Variants in ZNF257 observed in about 807,000 individuals in gnomAD.
ZNF257 encodes bone marrow zinc finger 4.
ZNF257 carries 12 observed loss-of-function variants against 11.9 expected under a neutral mutation model. The observed-to-expected ratio is 1.01, with a 90% CI of 0.65 to 1.63. The LOEUF (loss-of-function observed/expected upper bound fraction) is 1.63. Ranked by LOEUF, ZNF257 falls within the 40% of genes most tolerant of loss-of-function variation. The pLI is 0.00. For synonymous variants in ZNF257, 183 were observed against 222.7 expected (o/e 0.82, Z 1.59); for missense variants, 580 against 665.5 (o/e 0.87, Z 1.41).
At chr19:22,082,801 A>G (rs185722775) in intron 3 of ZNF257, among the ~76,000 whole-genome samples, 1 of 152,278 alleles carries the variant, frequency 6.6e-6, no homozygotes, top group Non-Finnish European at 1.5e-5. Flanking sequence ...ATATTTTAGA[A>G]CATGACATCT....
intron 1 of ZNF257, among the ~76,000 whole-genome samples, chr19:22,052,871 C>T (rs956518163): frequency 6.6e-6 from 1 of 152,088 alleles, no homozygotes; most frequent in Non-Finnish European, 1.5e-5. Flanking sequence ...TGGCCTGGAT[C>T]CCTCTCTCGG....
At chr19:22,085,477 G>C (rs569894914) in intron 3 of ZNF257, among the ~76,000 whole-genome samples, 4 of 152,226 alleles carry the variant, frequency 2.6e-5, no homozygotes, top group African/African-American at 9.6e-5. Flanking sequence ...CTGATGTTGA[G>C]AAGTTTTCTC....
chr19:22,059,713 A>G (rs972507381), intron 1 of ZNF257, among the ~76,000 whole-genome samples: 3 of 148,046 alleles, frequency 2.0e-5, no homozygotes, highest in African/African-American at 7.5e-5. Context: ...TTTTTATTAA[A>G]TCTTTTATTT....
In ZNF257 at chr19:22,089,067, C is replaced by A. The variant is rs1345697228; in HGVS notation, c.1317C>A (p.Ala439=). 4 of 1,609,714 alleles carry A rather than the reference C, an allele frequency of 2.5e-6. No individual in the cohort carries two copies. Among genetic ancestry groups the A allele is most frequent in the Non-Finnish European group, 3.4e-6 (4 of 1,178,630 alleles). ...KPYKCEECGK[A]FNRSSYLIRH... ...ACAAATGTGAAGAGTGTGGCAAAGCCTTTAACCGGTCTTCATACCTTATTC... is the reference window on the plus strand; with the variant it reads ...ACAAATGTGAAGAGTGTGGCAAAGCATTTAACCGGTCTTCATACCTTATTC... The change falls in exon 4 of 4, where the codon GCC becomes GCA. Residue 439 remains alanine, a synonymous_variant. Coordinates refer to ENST00000594947, the MANE Select transcript of ZNF257 (RefSeq NM_033468.4).
intron 3 of ZNF257, chr19:22,075,517 A>G (rs562852417): frequency 6.6e-6 from 1 of 152,358 alleles, no homozygotes; most frequent in Non-Finnish European, 1.5e-5. Context: ...AAAGGACAGA[A>G]CCTCTCCCAG....
chr19:22,080,370 G>C (rs528018271), intron 3 of ZNF257, among the ~76,000 whole-genome samples: 35 of 152,258 alleles, frequency 2.3e-4, no homozygotes, highest in African/African-American at 7.7e-4. Context: ...CATCCTCTTT[G>C]TAATCAAAAT....
chr19:22,088,015 C>A lies in ZNF257; in HGVS notation c.265C>A (p.Arg89=). 1 of 1,549,760 alleles carries A rather than the reference C, an allele frequency of 6.5e-7. No individual in the cohort carries two copies. Among genetic ancestry groups the A allele is most frequent in the Non-Finnish European group, 8.7e-7 (1 of 1,146,034 alleles). The change falls in exon 4 of 4, where the codon CGA becomes AGA. Residue 89 remains arginine, a synonymous_variant. Transcript: ENST00000594947. ...TATTGCTGAAGACCTTTGCCCAGAG[C>A]GAGACATAAAATATTTTTTCCAAAA... is the stretch of plus-strand genomic sequence containing the variant. ...SHIAEDLCPE[R]DIKYFFQKVI...
chr19:22,068,408 T>C (rs1412710936), intron 1 of ZNF257, among the ~76,000 whole-genome samples: 2 of 152,150 alleles, frequency 1.3e-5, no homozygotes, highest in Admixed American at 1.3e-4. Flanking sequence ...CACCCAAGAA[T>C]GCAGAGCCAG....
chr19:22,052,842 C>T (rs1489518019), intron 1 of ZNF257, among the ~76,000 whole-genome samples: 1 of 152,086 alleles, frequency 6.6e-6, no homozygotes, highest in African/African-American at 2.4e-5. Flanking sequence ...TGTCTCTTCC[C>T]TGCGCAGTGA....
At chr19:22,064,875 G>A (rs1186821682) in intron 1 of ZNF257, among the ~76,000 whole-genome samples, 2 of 152,014 alleles carry the variant, frequency 1.3e-5, no homozygotes, top group African/African-American at 4.8e-5. Context: ...CCAACATGGC[G>A]AAACCCCGTT....
intron 1 of ZNF257, among the ~76,000 whole-genome samples, chr19:22,055,358 C>T (rs1174666775): frequency 6.6e-6 from 1 of 151,898 alleles, no homozygotes; most frequent in African/African-American, 2.4e-5. Context: ...GGTGCCCACC[C>T]CAACGTTTGG....
chr19:22,059,643 CTTT>C (rs58613357), intron 1 of ZNF257, among the ~76,000 whole-genome samples: 285 of 136,880 alleles, frequency 2.1e-3, no homozygotes, highest in African/African-American at 7.1e-3. Context: ...TGTTTCTTTT[CTTT>C]TTTTTTTTTT....
intron 1 of ZNF257, among the ~76,000 whole-genome samples, chr19:22,057,040 T>A (rs1368133888): frequency 6.6e-6 from 1 of 152,210 alleles, no homozygotes; most frequent in Non-Finnish European, 1.5e-5. Flanking sequence ...TTATTTTGAT[T>A]TCTGAGTTTA....
intron 1 of ZNF257, 47 bp downstream of exon 1, chr19:22,052,682 T>A: frequency 6.2e-7 from 1 of 1,601,888 alleles, no homozygotes; most frequent in South Asian, 1.1e-5. Flanking sequence ...AGGGGGTGGT[T>A]GGAACCTGTG....
chr19:22,054,826 C>T (rs1245357733), intron 1 of ZNF257, among the ~76,000 whole-genome samples: 2 of 151,414 alleles, frequency 1.3e-5, no homozygotes, highest in African/African-American at 4.9e-5. Flanking sequence ...TGTTCTTGGT[C>T]TTGGGCTTCA....
chr19:22,068,078 CTT>C (rs954775904), intron 1 of ZNF257, among the ~76,000 whole-genome samples: 5 of 150,746 alleles, frequency 3.3e-5, no homozygotes, highest in African/African-American at 1.2e-4. Flanking sequence ...ACTCTAGACA[CTT>C]TGTTGCCTTG....
At chr19:22,081,854 T>G (rs1330643125) in intron 3 of ZNF257, among the ~76,000 whole-genome samples, 1 of 152,136 alleles carries the variant, frequency 6.6e-6, no homozygotes, top group Non-Finnish European at 1.5e-5. Context: ...AAATAATTGC[T>G]TGAAGAAATG....
chr19:22,063,533 C>T (rs1207843839), intron 1 of ZNF257, among the ~76,000 whole-genome samples: 1 of 152,202 alleles, frequency 6.6e-6, no homozygotes, highest in African/African-American at 2.4e-5. Flanking sequence ...AGCTGTGTTG[C>T]AGCAATTCTG....
chr19:22,078,167 A>G (rs73019862), intron 3 of ZNF257, among the ~76,000 whole-genome samples: 1 of 149,818 alleles, frequency 6.7e-6, no homozygotes, highest in Admixed American at 6.7e-5. Flanking sequence ...GTACCCGGGA[A>G]ATGAAGGTTG....
Sources: gnomAD v4.1 joint callset for allele counts (sites outside exome capture counted in the v4.1 genomes callset) on GRCh38, gnomAD v4.1.1 for gene constraint, MANE v1.5 for transcripts, NCBI Gene and HGNC (gene_info 2026-07-23, HGNC 2026-07-21) for gene names.